Variants in GRIN2A observed in about 807,000 individuals in gnomAD.
The protein encoded by GRIN2A is glutamate ionotropic receptor NMDA type subunit 2A.
A neutral mutation model predicts 113.4 loss-of-function variants in GRIN2A; 22 were observed. That is an observed-to-expected ratio of 0.19 (90% CI 0.14 to 0.28). The LOEUF (loss-of-function observed/expected upper bound fraction) is 0.28, where lower values mean the gene tolerates loss of function less well. Among genes scored for constraint, GRIN2A ranks in the 10% least tolerant of loss-of-function variants. GRIN2A has a pLI of 1.00. For synonymous variants in GRIN2A, 827 were observed against 738.4 expected (o/e 1.12, Z -1.94); for missense variants, 1,502 against 1,887.0 (o/e 0.80, Z 3.78).
At chr16:10,045,638 G>A (rs2047245131) in intron 2 of GRIN2A, among the ~76,000 whole-genome samples, 1 of 152,212 alleles carries the variant, frequency 6.6e-6, no homozygotes, top group African/African-American at 2.4e-5. Context: ...TTCTGGCCAT[G>A]GCACTGTCTG....
intron 2 of GRIN2A, among the ~76,000 whole-genome samples, chr16:10,086,224 G>A (rs2048082855): frequency 1.3e-5 from 2 of 152,134 alleles, no homozygotes; most frequent in Admixed American, 1.3e-4. Context: ...GTGCATTGTT[G>A]GTGGTCCCTA....
At chr16:9,786,788 C>G (rs371090264) in intron 11 of GRIN2A, among the ~76,000 whole-genome samples, 3 of 152,310 alleles carry the variant, frequency 2.0e-5, no homozygotes, top group Admixed American at 6.5e-5. Flanking sequence ...TGACCTGTGA[C>G]TCAGTTTCCT....
intron 11 of GRIN2A, among the ~76,000 whole-genome samples, chr16:9,772,778 G>A (rs1024101843): frequency 6.6e-6 from 1 of 152,106 alleles, no homozygotes; most frequent in Non-Finnish European, 1.5e-5. Context: ...AGCCAGGTTT[G>A]TAAGCCTGTA....
chr16:10,129,482 G>A (rs1295228693), intron 2 of GRIN2A, among the ~76,000 whole-genome samples: 1 of 152,158 alleles, frequency 6.6e-6, no homozygotes, highest in Non-Finnish European at 1.5e-5. Context: ...CTTGAACTTG[G>A]ATGATCATGA....
chr16:9,990,575 A>G (rs1015763087), intron 2 of GRIN2A, among the ~76,000 whole-genome samples: 3 of 150,030 alleles, frequency 2.0e-5, no homozygotes, highest in Non-Finnish European at 3.0e-5. Flanking sequence ...ACACACACAC[A>G]CACACACACA....
intron 9 of GRIN2A, among the ~76,000 whole-genome samples, chr16:9,826,911 C>T (rs2042398400): frequency 6.6e-6 from 1 of 152,202 alleles, no homozygotes; most frequent in South Asian, 2.1e-4. Context: ...TGCCTTTGAA[C>T]ATAGCAACAA....
Position 9,840,073 on chromosome 16 carries a change from A to G in GRIN2A, c.1651+574T>C, listed in dbSNP as rs563058649. Among the ~76,000 whole-genome samples the G allele has an allele frequency of 3.9e-3, 600 of 152,314 alleles. 16 individuals carry two copies. The highest frequency in any genetic ancestry group is 4.8e-3 in the Non-Finnish European group (326 of 68,008). ...GCAGAGGCCGCAGTAAGCCAAGATC[A>G]TAACACTGCACTCAAGCCTGGGCAG... is the stretch of plus-strand genomic sequence containing the variant. On this transcript the variant is annotated intron_variant, in intron 7 of 12. Transcript: ENST00000330684.
At chr16:9,843,268 A>G (rs1472474660) in intron 5 of GRIN2A, among the ~76,000 whole-genome samples, 1 of 152,130 alleles carries the variant, frequency 6.6e-6, no homozygotes, top group Admixed American at 6.5e-5. Flanking sequence ...ACACACACGC[A>G]TCAAACAACA....
chr16:10,076,731 G>A (rs1317739995), intron 2 of GRIN2A, among the ~76,000 whole-genome samples: 2 of 152,170 alleles, frequency 1.3e-5, no homozygotes, highest in South Asian at 4.1e-4. Context: ...ATATGGAAGA[G>A]TCGAGAGCAC....
intron 2 of GRIN2A, among the ~76,000 whole-genome samples, chr16:9,985,484 T>C (rs1287280641): frequency 2.0e-5 from 3 of 152,166 alleles, no homozygotes; most frequent in Non-Finnish European, 4.4e-5. Context: ...GTGGTACATA[T>C]ACACAATGGA....
At chr16:9,983,040 C>T (rs1334130850) in intron 2 of GRIN2A, among the ~76,000 whole-genome samples, 1 of 152,130 alleles carries the variant, frequency 6.6e-6, no homozygotes, top group East Asian at 1.9e-4. Context: ...TACTTCAATA[C>T]ATGTATACAA....
chr16:10,117,059 CT>C (rs2048741517), intron 2 of GRIN2A, among the ~76,000 whole-genome samples: 1 of 119,610 alleles, frequency 8.4e-6, no homozygotes, highest in East Asian at 2.1e-4. Context: ...GCTCAAGTGA[CT>C]GAAAAAAAAA....
chr16:10,043,047 G>A (rs567075980), intron 2 of GRIN2A, among the ~76,000 whole-genome samples: 1 of 152,198 alleles, frequency 6.6e-6, no homozygotes, highest in African/African-American at 2.4e-5. Flanking sequence ...TTTGAGTCAA[G>A]GTTCTCATAA....
In GRIN2A at chr16:9,890,935, T is replaced by C. The variant is rs367976422; in HGVS notation, c.1122+51A>G. 60 of 1,121,558 alleles carry C rather than the reference T, an allele frequency of 5.3e-5. No homozygotes were observed. The Middle Eastern group carries it at 5.8e-4, about 11-fold the overall frequency. 69.5% of individuals were successfully genotyped at this position (1,121,558 alleles called of 1,614,324 possible). A position where few individuals can be genotyped will look rare whatever the true frequency, so the allele number is the denominator to read the frequency against. ...AAAGAAGCACTGTGAGCCCCTTTAT[T>C]GCCCATGCTTTCTTCCCTCCCCTGC... On this transcript the variant is annotated intron_variant, in intron 4 of 12. Transcript: ENST00000330684.
At chr16:9,801,205 G>A (rs966543261) in intron 10 of GRIN2A, among the ~76,000 whole-genome samples, 11 of 152,230 alleles carry the variant, frequency 7.2e-5, no homozygotes, top group African/African-American at 1.7e-4. Context: ...ACTTAGGGCC[G>A]TGGAAGGTGT....
chr16:10,087,401 C>CT (rs2048105132), intron 2 of GRIN2A, among the ~76,000 whole-genome samples: 2 of 152,230 alleles, frequency 1.3e-5, no homozygotes, highest in South Asian at 4.1e-4. Flanking sequence ...CCAGGAGAAT[C>CT]TTTAAGATCC....
rs139144332 is a variant in GRIN2A at position 9,961,607 on chromosome 16, A to G, written c.415-23056T>C. Among the ~76,000 whole-genome samples the G allele has an allele frequency of 9.2e-5, 14 of 152,330 alleles. No homozygotes were observed. In the East Asian group the frequency reaches 2.5e-3, roughly 27 times the overall value. On this transcript the variant is annotated intron_variant, in intron 2 of 12. Coordinates refer to ENST00000330684, the MANE Select transcript of GRIN2A (RefSeq NM_001134407.3). ...CTTCATAGGGAACTAGAAATGTTCTATATCTTTGCAATGTATCTATGTAAT... is the reference window on the plus strand; with the variant it reads ...CTTCATAGGGAACTAGAAATGTTCTGTATCTTTGCAATGTATCTATGTAAT...
intron 10 of GRIN2A, among the ~76,000 whole-genome samples, chr16:9,807,339 A>T (rs1429699500): frequency 6.0e-5 from 1 of 16,776 alleles, no homozygotes; most frequent in African/African-American, 3.3e-4. Context: ...GAGAGGGAGG[A>T]AGGGTGGAGG....
intron 4 of GRIN2A, among the ~76,000 whole-genome samples, chr16:9,883,990 A>G (rs1314294019): frequency 6.6e-6 from 1 of 152,136 alleles, no homozygotes; most frequent in African/African-American, 2.4e-5. Flanking sequence ...TTTAATATTT[A>G]TGTGTTTTGT....
Sources: gnomAD v4.1 joint callset for allele counts (sites outside exome capture counted in the v4.1 genomes callset) on GRCh38, gnomAD v4.1.1 for gene constraint, MANE v1.5 for transcripts, NCBI Gene and HGNC (gene_info 2026-07-23, HGNC 2026-07-21) for gene names.